Variants in PPM1L observed in about 807,000 individuals in gnomAD.
PPM1L encodes protein phosphatase, Mg2+/Mn2+ dependent 1L.
In PPM1L, 13 loss-of-function variants were observed where a neutral mutation model predicts 31.4. The observed-to-expected ratio is 0.41, with a 90% confidence interval of 0.27 to 0.66. The LOEUF is 0.66. Among genes scored for constraint, PPM1L ranks in the 30% least tolerant of loss-of-function variants. PPM1L has a pLI of 0.29. For missense variants in PPM1L, 326 were observed against 453.7 expected, an observed-to-expected ratio of 0.72 and a Z score of 2.56; for synonymous variants, 184 against 175.4, an observed-to-expected ratio of 1.05 and a Z score of -0.39.
intron 2 of PPM1L, among the ~76,000 whole-genome samples, chr3:161,009,387 CA>C (rs1374519008): frequency 6.6e-6 from 1 of 152,110 alleles, no homozygotes; most frequent in Non-Finnish European, 1.5e-5. Context: ...GGTAATTTAT[CA>C]AGAAGTTTTT....
chr3:160,797,864 A>G (rs1712305270), intron 1 of PPM1L, among the ~76,000 whole-genome samples: 1 of 152,198 alleles, frequency 6.6e-6, no homozygotes, highest in African/African-American at 2.4e-5. Flanking sequence ...TTGTAAGTAA[A>G]GAAGTCATCT....
chr3:160,857,768 A>G (rs1711762837), intron 1 of PPM1L, among the ~76,000 whole-genome samples: 1 of 152,232 alleles, frequency 6.6e-6, no homozygotes, highest in Non-Finnish European at 1.5e-5. Flanking sequence ...TTGTAGCGGT[A>G]AGACAAAGTC....
At chr3:160,995,901 T>C (rs576147264) in intron 2 of PPM1L, among the ~76,000 whole-genome samples, 8 of 152,004 alleles carry the variant, frequency 5.3e-5, no homozygotes, top group Non-Finnish European at 1.2e-4. Flanking sequence ...ATAGGGAAAG[T>C]GGTATTGGAA....
In PPM1L at chr3:161,076,152, T is replaced by C. The variant is rs996677534; in HGVS notation, c.*6995T>C. ...AATGCAATGGGTCAGGTTGCTCATA[T>C]GATTAAAAAAATTAATCCTGTAGAA... is the stretch of plus-strand genomic sequence containing the variant. On this transcript the variant is annotated 3_prime_UTR_variant, in exon 4 of 4. Transcript: ENST00000498165. The C allele has an allele frequency of 6.6e-6, 1 of 152,256 alleles. No individual in the cohort carries two copies. Among genetic ancestry groups the C allele is most frequent in the African/African-American group, 2.4e-5 (1 of 41,474 alleles). The allele number at this position is 152,256 out of a possible 1,614,324, so 9.4% of individuals were successfully genotyped here. A position where few individuals can be genotyped will look rare whatever the true frequency, so the allele number is the denominator to read the frequency against.
At chr3:160,969,917 T>C (rs968122260) in intron 2 of PPM1L, among the ~76,000 whole-genome samples, 3 of 152,230 alleles carry the variant, frequency 2.0e-5, no homozygotes, top group Admixed American at 2.0e-4. Flanking sequence ...GAGAAAAAGA[T>C]AATCTTTAAT....
chr3:160,842,454 G>A (rs1713913591), intron 1 of PPM1L, among the ~76,000 whole-genome samples: 1 of 152,068 alleles, frequency 6.6e-6, no homozygotes, highest in African/African-American at 2.4e-5. Context: ...GAACAGTGAA[G>A]GTTCTTAGCC....
intron 1 of PPM1L, among the ~76,000 whole-genome samples, chr3:160,800,352 T>C (rs1457348229): frequency 6.6e-6 from 1 of 152,238 alleles, no homozygotes; most frequent in Non-Finnish European, 1.5e-5. Context: ...TCTACTTATA[T>C]CAATTCTTCG....
intron 2 of PPM1L, among the ~76,000 whole-genome samples, chr3:160,978,478 C>T (rs1716679436): frequency 6.6e-6 from 1 of 152,182 alleles, no homozygotes; most frequent in Non-Finnish European, 1.5e-5. Flanking sequence ...AAAATCTTAA[C>T]TTCATAGCAA....
chr3:161,044,398 G>A (rs1718998142), intron 2 of PPM1L, among the ~76,000 whole-genome samples: 1 of 144,790 alleles, frequency 6.9e-6, no homozygotes, highest in African/African-American at 2.7e-5. Flanking sequence ...TTTAGTGGGA[G>A]CAAATGCAAG....
chr3:161,007,723 G>A (rs1243374868), intron 2 of PPM1L, among the ~76,000 whole-genome samples: 1 of 152,048 alleles, frequency 6.6e-6, no homozygotes, highest in Non-Finnish European at 1.5e-5. Flanking sequence ...TCTTCTTCCT[G>A]TGTGGCCCAG....
chr3:161,007,009 G>A (rs1176333305), intron 2 of PPM1L, among the ~76,000 whole-genome samples: 1 of 152,134 alleles, frequency 6.6e-6, no homozygotes, highest in African/African-American at 2.4e-5. Context: ...TATGCCATTA[G>A]GAGAATGTGC....
intron 2 of PPM1L, among the ~76,000 whole-genome samples, chr3:161,005,726 A>T (rs754738549): frequency 1.2e-4 from 19 of 152,252 alleles, no homozygotes; most frequent in Non-Finnish European, 2.5e-4. Context: ...GAAACACAAT[A>T]TAAGTTTTCC....
In PPM1L at chr3:160,808,318, T is replaced by TGTGC. The variant is rs1553808304; in HGVS notation, c.399+51616_399+51619dup. ...GTGTGTGTGTGTGTGTGTGTGTGTG[T>TGTGC]GTGCGTGCATGTGTGGTGGGTGAGG... On this transcript the variant is annotated intron_variant, in intron 1 of 3. Coordinates refer to ENST00000498165, the MANE Select transcript of PPM1L (RefSeq NM_139245.4). Among the ~76,000 whole-genome samples, 11 of 143,538 alleles carry TGTGC rather than the reference T, an allele frequency of 7.7e-5. No homozygotes were observed. In the East Asian group the frequency reaches 8.0e-4, roughly 10 times the overall value. 94.2% of individuals were successfully genotyped at this position (143,538 alleles called of 152,430 possible).
At chr3:160,822,218 C>T (rs1230151731) in intron 1 of PPM1L, among the ~76,000 whole-genome samples, 1 of 151,792 alleles carries the variant, frequency 6.6e-6, no homozygotes, top group Non-Finnish European at 1.5e-5. Flanking sequence ...TAAAAGCGGA[C>T]TTCTTGGCAA....
intron 1 of PPM1L, among the ~76,000 whole-genome samples, chr3:160,828,866 C>T (rs1021236074): frequency 1.3e-5 from 2 of 152,032 alleles, no homozygotes; most frequent in African/African-American, 4.8e-5. Context: ...CAAAAATCAG[C>T]CAAAACTAAG....
At chr3:160,860,208 A>C (rs752178985) in intron 1 of PPM1L, among the ~76,000 whole-genome samples, 1 of 152,170 alleles carries the variant, frequency 6.6e-6, no homozygotes, top group Non-Finnish European at 1.5e-5. Flanking sequence ...TAAAGAAGCA[A>C]GTTTTAGTCA....
chr3:160,873,057 T>C (rs1194769224), intron 1 of PPM1L, among the ~76,000 whole-genome samples: 1 of 152,204 alleles, frequency 6.6e-6, no homozygotes, highest in Non-Finnish European at 1.5e-5. Context: ...ATGTAGGTAA[T>C]GTTAAAGATG....
At chr3:160,908,109 C>T (rs1248802078) in intron 1 of PPM1L, among the ~76,000 whole-genome samples, 1 of 152,262 alleles carries the variant, frequency 6.6e-6, no homozygotes, top group African/African-American at 2.4e-5. Flanking sequence ...TGGCTATTAG[C>T]CTATTTGAAT....
chr3:160,760,047 C>G (rs1227711339), intron 1 of PPM1L, among the ~76,000 whole-genome samples: 2 of 152,168 alleles, frequency 1.3e-5, no homozygotes, highest in East Asian at 1.9e-4. Context: ...AGAGACTCTT[C>G]CTGTGTGAGC....
Sources: gnomAD v4.1 joint callset for allele counts (sites outside exome capture counted in the v4.1 genomes callset) on GRCh38, gnomAD v4.1.1 for gene constraint, MANE v1.5 for transcripts, NCBI Gene and HGNC (gene_info 2026-07-23, HGNC 2026-07-21) for gene names.